Variants in HOXD3 observed in about 807,000 individuals in gnomAD.
The protein encoded by HOXD3 is homeobox D3.
In HOXD3, 13 loss-of-function variants were observed where a neutral mutation model predicts 32.8. That is an observed-to-expected ratio of 0.40 (90% confidence interval 0.26 to 0.63). The LOEUF (loss-of-function observed/expected upper bound fraction) is 0.63. Ranked by LOEUF, HOXD3 falls within the 20% of genes least tolerant of loss-of-function variation. HOXD3 has a pLI of 0.44. For missense variants in HOXD3, 504 were observed against 577.1 expected (o/e 0.87, Z 1.30); for synonymous variants, 241 against 246.8 (o/e 0.98, Z 0.22).
At chr2:176,153,189 C>A, upstream of HOXD3, 1 of 540,280 alleles carries the variant, frequency 1.9e-6, no homozygotes, top group Non-Finnish European at 3.3e-6. Flanking sequence ...CTACTGAGAA[C>A]ATAAAATCTT....
intron 1 of HOXD3, among the ~76,000 whole-genome samples, chr2:176,162,019 C>T (rs1690823796): frequency 6.6e-6 from 1 of 152,194 alleles, no homozygotes; most frequent in Admixed American, 6.5e-5. Context: ...CTGGGCCAGA[C>T]CCAACCGGAC....
chr2:176,158,077 C>A (rs943626210), intron 1 of HOXD3, among the ~76,000 whole-genome samples: 3 of 152,226 alleles, frequency 2.0e-5, no homozygotes, highest in African/African-American at 7.2e-5. Flanking sequence ...TGCCTCTCCC[C>A]CCGCTCCTCT....
At position 176,172,940 on chromosome 2, in the gene HOXD3, C is replaced by T. The variant is rs934808743; in HGVS notation, c.*666C>T. 1 of 152,664 alleles carries T rather than the reference C, an allele frequency of 6.6e-6. No homozygotes were observed. The highest frequency in any genetic ancestry group is 1.5e-5 in the Non-Finnish European group (1 of 68,064). The allele number at this position is 152,664 out of a possible 1,614,324, so 9.5% of individuals were successfully genotyped here. ...TTGTAGTTGACATAAAGGATTAAGA[C>T]CGCAAATTGTCCTTCATGGGTAGAG... is the stretch of plus-strand genomic sequence containing the variant. On this transcript the variant is annotated 3_prime_UTR_variant, in exon 4 of 4. Coordinates refer to ENST00000683222, the MANE Select transcript of HOXD3 (RefSeq NM_006898.5).
intron 2 of HOXD3, among the ~76,000 whole-genome samples, chr2:176,168,272 A>AAC (rs199893834): frequency 0.014 from 2,067 of 151,034 alleles, 58 homozygotes; most frequent in African/African-American, 0.048. Context: ...AAAAAAAAAA[A>AAC]AAAAAAAACT....
chr2:176,152,901 C>A (rs2105424024), upstream of HOXD3: 1 of 1,614,198 alleles, frequency 6.2e-7, no homozygotes. The surrounding 1 kb of genome is among the most constrained non-coding windows in gnomAD (Gnocchi z 5.2). Flanking sequence ...GCATTTACAG[C>A]CGATGGCCAA....
At chr2:176,168,936 G>T in intron 2 of HOXD3, 95 bp from the exon 3 acceptor site, 1 of 881,778 alleles carries the variant, frequency 1.1e-6, no homozygotes, top group East Asian at 2.8e-5. Flanking sequence ...CCGCCGTGAA[G>T]TGGGTAGGAA....
In HOXD3 at chr2:176,172,499, C is replaced by T. The variant is rs1691231638; in HGVS notation, c.*225C>T. ...ATAAATCAGCCGCAAGGATCCTTCCCTGTAAATTTGACAGTGCCACATACT... is the reference window on the plus strand; with the variant it reads ...ATAAATCAGCCGCAAGGATCCTTCCTTGTAAATTTGACAGTGCCACATACT... On this transcript the variant is annotated 3_prime_UTR_variant, in exon 4 of 4. Transcript: ENST00000683222. 8.8e-6 allele frequency: 5 copies of T among 568,284 alleles called. No individual in the cohort carries two copies. Among genetic ancestry groups the T allele is most frequent in the Admixed American group, 6.8e-5 (2 of 29,588 alleles). The allele number at this position is 568,284 out of a possible 1,614,324, so 35.2% of individuals were successfully genotyped here. A position where few individuals can be genotyped will look rare whatever the true frequency, so the allele number is the denominator to read the frequency against.
At chr2:176,154,912 C>T (rs556716991), upstream of HOXD3, among the ~76,000 whole-genome samples, 6 of 152,292 alleles carry the variant, frequency 3.9e-5, no homozygotes, top group Non-Finnish European at 5.9e-5. Context: ...TTTTTTCTGA[C>T]GCCCTCACGT....
chr2:176,160,221 C>T (rs1384111440), intron 1 of HOXD3, among the ~76,000 whole-genome samples: 1 of 152,154 alleles, frequency 6.6e-6, no homozygotes, highest in East Asian at 1.9e-4. Flanking sequence ...GAGTACTCCG[C>T]GGGCCCGGGA....
chr2:176,156,174 A>T (rs1014597211), upstream of HOXD3, among the ~76,000 whole-genome samples: 2 of 152,220 alleles, frequency 1.3e-5, no homozygotes, highest in Admixed American at 1.3e-4. Context: ...TCTGCAATAA[A>T]TTAGGCACCA....
upstream of HOXD3, among the ~76,000 whole-genome samples, chr2:176,153,917 C>T (rs1405400570): frequency 6.6e-6 from 1 of 152,118 alleles, no homozygotes; most frequent in African/African-American, 2.4e-5. Flanking sequence ...TAGATAATGA[C>T]TGAATTTTCT....
intron 1 of HOXD3, 52 bp from the exon 2 acceptor site, chr2:176,164,021 G>A (rs1305775639): frequency 6.6e-6 from 1 of 152,120 alleles, no homozygotes; most frequent in African/African-American, 2.4e-5. Context: ...CAACATGTAA[G>A]TGTTTGTAAG....
At position 176,171,617 on chromosome 2, in the gene HOXD3, C is replaced by T. The variant is rs761321537; in HGVS notation, c.642C>T (p.His214=). 3 of 1,614,208 alleles carry T rather than the reference C, an allele frequency of 1.9e-6. No individual in the cohort carries two copies. Among genetic ancestry groups the T allele is most frequent in the African/African-American group, 1.3e-5 (1 of 75,066 alleles). ...AQLVELEKEF[H]FNRYLCRPRR... is the part of the protein sequence containing the mutation. ...TGGTGGAATTGGAAAAGGAATTCCA[C>T]TTCAACCGCTACTTGTGCCGGCCGC... The change falls in exon 4 of 4, where the codon CAC becomes CAT. Residue 214 remains histidine (H), a synonymous_variant. Transcript: ENST00000683222.
chr2:176,152,624 C>T, upstream of HOXD3: 2 of 1,613,900 alleles, frequency 1.2e-6, no homozygotes, highest in East Asian at 4.5e-5. The surrounding 1 kb of genome is among the most constrained non-coding windows in gnomAD (Gnocchi z 5.2). Context: ...CCAACTACAC[C>T]GGTGGGGAAC....
At chr2:176,163,542 T>C (rs1341626065) in intron 1 of HOXD3, among the ~76,000 whole-genome samples, 1 of 152,160 alleles carries the variant, frequency 6.6e-6, no homozygotes, top group African/African-American at 2.4e-5. Context: ...ATATTTAATG[T>C]ATAAATCAGG....
rs908832400 is a variant in HOXD3, at chr2:176,172,100, C to A, written c.1125C>A (p.Asn375Lys). ...SMAPASGPVF[N>K]LGHLSHPSSA... ...CGCCCGCGTCCGGGCCTGTCTTCAA[C>A]CTGGGCCACCTCTCGCACCCGTCGT... Residue 375 changes from asparagine to lysine, a missense_variant, in exon 4 of 4, where the codon AAC becomes AAA. Asn to Lys is a moderately conservative substitution (Grantham distance 94, BLOSUM62 0). Around this residue, in one of 3 missense-constraint regions of HOXD3, gnomAD observed 226 missense variants for 246.9 expected, o/e 0.92. Coordinates refer to ENST00000683222, the MANE Select transcript of HOXD3 (RefSeq NM_006898.5). 12 of 1,612,508 alleles carry A rather than the reference C, an allele frequency of 7.4e-6. No homozygotes were observed. Among genetic ancestry groups the A allele is most frequent in the Non-Finnish European group, 9.3e-6 (11 of 1,179,926 alleles).
upstream of HOXD3, among the ~76,000 whole-genome samples, chr2:176,155,569 C>G (rs986898940): frequency 1.3e-4 from 20 of 152,292 alleles, no homozygotes; most frequent in Admixed American, 1.1e-3. Flanking sequence ...CCCTGAGGTC[C>G]CAGTCGGACC....
In HOXD3 at chr2:176,171,836, G is replaced by C; in HGVS notation, c.861G>C (p.Pro287=). ...ACGTGGCCTACTCCGGCCAGCTGCCGCCAGTGCCCGGCCTGGCCTACGACG... is the reference window on the plus strand; with the variant it reads ...ACGTGGCCTACTCCGGCCAGCTGCCCCCAGTGCCCGGCCTGGCCTACGACG... ...AGHVAYSGQL[P]PVPGLAYDAP... is the part of the protein sequence containing the mutation. Residue 287 remains proline, a synonymous_variant, in exon 4 of 4, where the codon CCG becomes CCC. Transcript: ENST00000683222. 6.2e-7 allele frequency: 1 copy of C among 1,607,228 alleles called. No individual in the cohort carries two copies. Among genetic ancestry groups the C allele is most frequent in the Non-Finnish European group, 8.5e-7 (1 of 1,176,648 alleles).
intron 3 of HOXD3, 151 bp from the exon 4 acceptor site, chr2:176,171,366 A>G: frequency 1.4e-6 from 1 of 715,560 alleles, no homozygotes; most frequent in Admixed American, 3.0e-5. Context: ...CCCCCTTGGA[A>G]TCATACCTCT....
Sources: allele counts gnomAD v4.1 joint callset (sites outside exome capture counted in the v4.1 genomes callset), GRCh38; gene constraint gnomAD v4.1.1; regional missense constraint gnomAD v4.1.1; non-coding constraint Gnocchi (gnomAD v3.1); transcripts MANE v1.5; gene names NCBI Gene and HGNC (gene_info 2026-07-23, HGNC 2026-07-21).